The following NRXN1 variants were observed in gnomAD, a reference collection of about 807,000 sequenced individuals.
The protein encoded by NRXN1 is neurexin 1.
In NRXN1, 39 loss-of-function variants were observed where a neutral mutation model predicts 150.9. That is an observed-to-expected ratio of 0.26 (90% CI 0.20 to 0.34). The LOEUF (loss-of-function observed/expected upper bound fraction) is 0.34. NRXN1 is among the 10% of genes least tolerant of loss of function. The probability of loss-of-function intolerance (pLI) is 1.00; values close to 1 mark genes in which losing one functional copy is unlikely to be tolerated. For synonymous variants in NRXN1, 924 were observed against 757.0 expected, an observed-to-expected ratio of 1.22 and a Z score of -3.62; for missense variants, 1,815 against 1,949.9, an observed-to-expected ratio of 0.93 and a Z score of 1.30.
intron 17 of NRXN1, among the ~76,000 whole-genome samples, chr2:50,411,276 C>G (rs900708250): frequency 6.6e-6 from 1 of 152,202 alleles, no homozygotes; most frequent in African/African-American, 2.4e-5. Flanking sequence ...GATCTGCCAG[C>G]CTTGGCCTCC....
At chr2:50,073,572 T>C (rs577865048) in intron 19 of NRXN1, among the ~76,000 whole-genome samples, 20 of 152,274 alleles carry the variant, frequency 1.3e-4, no homozygotes, top group Admixed American at 3.9e-4. Flanking sequence ...CTGGCGAAAA[T>C]AGGTAGTCAC....
intron 2 of NRXN1, among the ~76,000 whole-genome samples, chr2:50,962,158 T>A (rs1332789704): frequency 6.6e-6 from 1 of 151,784 alleles, no homozygotes; most frequent in Non-Finnish European, 1.5e-5. Context: ...TTTCCCATAC[T>A]TGCATAAATA....
At chr2:50,386,815 C>A (rs943865564) in intron 17 of NRXN1, among the ~76,000 whole-genome samples, 1 of 152,102 alleles carries the variant, frequency 6.6e-6, no homozygotes, top group South Asian at 2.1e-4. Context: ...TTGAGCAAGG[C>A]ACTTAGCTTG....
intron 17 of NRXN1, among the ~76,000 whole-genome samples, chr2:50,335,186 T>C (rs1241857273): frequency 6.6e-6 from 1 of 152,228 alleles, no homozygotes. Flanking sequence ...CACTCATTTA[T>C]TTTAAGAAAT....
intron 17 of NRXN1, among the ~76,000 whole-genome samples, chr2:50,302,413 T>C (rs2074240532): frequency 2.6e-5 from 4 of 152,194 alleles, no homozygotes; most frequent in South Asian, 2.1e-4. Flanking sequence ...AAATGACTAA[T>C]TGCAGATTCA....
At chr2:50,296,343 A>C (rs752574522) in intron 17 of NRXN1, among the ~76,000 whole-genome samples, 1 of 152,120 alleles carries the variant, frequency 6.6e-6, no homozygotes, top group Non-Finnish European at 1.5e-5. Flanking sequence ...AAGAGTTGTG[A>C]ACAACATCTT....
At chr2:50,643,205 A>G (rs532189907) in intron 5 of NRXN1, among the ~76,000 whole-genome samples, 89 of 152,102 alleles carry the variant, frequency 5.9e-4, no homozygotes, top group African/African-American at 1.9e-3. Context: ...CTGACTCCAG[A>G]ATCACAAGAG....
chr2:50,728,844 A>G (rs1275547182), intron 5 of NRXN1, among the ~76,000 whole-genome samples: 1 of 152,208 alleles, frequency 6.6e-6, no homozygotes, highest in African/African-American at 2.4e-5. Flanking sequence ...TAGAAAAGTC[A>G]TCTCAGGATT....
Position 50,554,729 on chromosome 2 carries a change from A to G in NRXN1, c.1321-1704T>C, listed in dbSNP as rs570795657. 2.1e-4 allele frequency among the ~76,000 whole-genome samples: 32 copies of G among 152,278 alleles called. 1 individual carries two copies. The South Asian group carries it at 5.8e-3, about 28-fold the overall frequency. ...TTTAGAAATAAAGCCCACACATATAATTGGTTTTTATACATGATTTGTGCC... is the reference window on the plus strand; with the variant it reads ...TTTAGAAATAAAGCCCACACATATAGTTGGTTTTTATACATGATTTGTGCC... On this transcript the variant is annotated intron_variant, in intron 8 of 22. Transcript: ENST00000401669.
chr2:49,953,038 T>C (rs1395028384), intron 21 of NRXN1, among the ~76,000 whole-genome samples: 3 of 152,122 alleles, frequency 2.0e-5, no homozygotes, highest in Non-Finnish European at 4.4e-5. Flanking sequence ...CACATTTACC[T>C]TTGGACAAGC....
chr2:50,443,843 C>A (rs1304191402), intron 17 of NRXN1, among the ~76,000 whole-genome samples: 1 of 152,172 alleles, frequency 6.6e-6, no homozygotes, highest in Non-Finnish European at 1.5e-5. Context: ...TTTATAAAAT[C>A]TGTCCTCTGT....
intron 5 of NRXN1, among the ~76,000 whole-genome samples, chr2:50,712,677 C>A (rs1416848676): frequency 6.6e-6 from 1 of 152,152 alleles, no homozygotes; most frequent in African/African-American, 2.4e-5. Flanking sequence ...AATTCAGAAG[C>A]ATCATCATCT....
intron 8 of NRXN1, among the ~76,000 whole-genome samples, chr2:50,608,452 A>G (rs1677489779): frequency 6.6e-6 from 1 of 152,142 alleles, no homozygotes; most frequent in African/African-American, 2.4e-5. Flanking sequence ...CAGCTTGTTT[A>G]GTAAATCTCT....
chr2:50,563,653 T>C (rs1275509071), intron 8 of NRXN1, among the ~76,000 whole-genome samples: 1 of 152,188 alleles, frequency 6.6e-6, no homozygotes, highest in Admixed American at 6.5e-5. Context: ...GAGTCAACAG[T>C]GGACAAGATG....
chr2:50,056,989 C>T (rs1217610755), intron 19 of NRXN1, among the ~76,000 whole-genome samples: 3 of 152,100 alleles, frequency 2.0e-5, no homozygotes. Context: ...CCATCCGAAT[C>T]TAGGTCGCAA....
chr2:50,732,939 A>C (rs960427263), intron 5 of NRXN1, among the ~76,000 whole-genome samples: 7 of 152,190 alleles, frequency 4.6e-5, no homozygotes, highest in Non-Finnish European at 8.8e-5. Flanking sequence ...ATTCACACCC[A>C]ATGATTTGTG....
At chr2:50,587,266 C>T (rs1673306389) in intron 8 of NRXN1, among the ~76,000 whole-genome samples, 1 of 152,298 alleles carries the variant, frequency 6.6e-6, no homozygotes, top group Non-Finnish European at 1.5e-5. Flanking sequence ...GGGCAGATCA[C>T]TTGAGAACAG....
intron 5 of NRXN1, among the ~76,000 whole-genome samples, chr2:50,728,365 T>C (rs944973788): frequency 6.6e-6 from 1 of 152,198 alleles, no homozygotes; most frequent in African/African-American, 2.4e-5. Context: ...CTTCTGAGGA[T>C]GACAAAATTT....
chr2:50,831,866 T>C (rs1020508254), intron 5 of NRXN1, among the ~76,000 whole-genome samples: 16 of 152,334 alleles, frequency 1.1e-4, no homozygotes, highest in Admixed American at 2.0e-4. Flanking sequence ...TGTCTGTTCA[T>C]GTGTCTGTTT....
Sources: allele counts gnomAD v4.1 joint callset (sites outside exome capture counted in the v4.1 genomes callset), GRCh38; gene constraint gnomAD v4.1.1; transcripts MANE v1.5; gene names NCBI Gene and HGNC (gene_info 2026-07-23, HGNC 2026-07-21).